The following IMMP2L variants were observed in gnomAD, a reference collection of about 807,000 sequenced individuals.
IMMP2L encodes mitochondrial inner membrane protease subunit 2.
In IMMP2L, 18 loss-of-function variants were observed where a neutral mutation model predicts 19.3. That is an observed-to-expected ratio of 0.93 (90% CI 0.64 to 1.38). IMMP2L has a LOEUF of 1.38. IMMP2L is among the 40% of genes most tolerant of loss of function. The pLI is 0.00. For missense variants in IMMP2L, 233 were observed against 218.2 expected (o/e 1.07, Z -0.43); for synonymous variants, 76 against 73.0 (o/e 1.04, Z -0.21).
intron 3 of IMMP2L, among the ~76,000 whole-genome samples, chr7:111,042,147 G>A (rs2129571089): frequency 6.6e-6 from 1 of 152,180 alleles, no homozygotes; most frequent in East Asian, 1.9e-4. Context: ...TGCATGTCCT[G>A]AGTTTTAATA....
In IMMP2L at chr7:111,213,916, A is replaced by T. The variant is rs1413760091; in HGVS notation, c.240-250351T>A. On this transcript the variant is annotated intron_variant, in intron 3 of 5. Coordinates refer to ENST00000405709, the MANE Select transcript of IMMP2L (RefSeq NM_032549.4). The surrounding 1 kb of genome is among the most constrained non-coding windows in gnomAD (Gnocchi z 4.8). ...TACAAATGTACCCCCTGTATCTAAG[A>T]TAAAAGGTGATTTAAAAAAATAAGA... 6.6e-6 allele frequency among the ~76,000 whole-genome samples: 1 copy of T among 152,188 alleles called. No homozygotes were observed. The highest frequency in any genetic ancestry group is 2.4e-5 in the African/African-American group (1 of 41,442).
chr7:111,240,927 T>C (rs1402341510), intron 3 of IMMP2L, among the ~76,000 whole-genome samples: 1 of 151,884 alleles, frequency 6.6e-6, no homozygotes, highest in Non-Finnish European at 1.5e-5. Flanking sequence ...ACAGGTGCTA[T>C]AAACACCAAA....
chr7:110,984,143 G>C (rs540650946), intron 3 of IMMP2L, among the ~76,000 whole-genome samples: 1 of 151,864 alleles, frequency 6.6e-6, no homozygotes, highest in South Asian at 2.1e-4. Flanking sequence ...CAGACACATG[G>C]GTTAGTCATA....
At chr7:111,190,427 C>A (rs905917306) in intron 3 of IMMP2L, among the ~76,000 whole-genome samples, 1 of 151,658 alleles carries the variant, frequency 6.6e-6, no homozygotes, top group African/African-American at 2.4e-5. Flanking sequence ...TAGATTTGTC[C>A]GAAGGGAAAA....
chr7:111,475,172 T>C (rs1388347601), intron 3 of IMMP2L, among the ~76,000 whole-genome samples: 1 of 152,130 alleles, frequency 6.6e-6, no homozygotes, highest in Non-Finnish European at 1.5e-5. Context: ...TGAGTATGAG[T>C]AAACCTGTCA....
chr7:110,886,780 A>G (rs1051456264), intron 4 of IMMP2L, 85 bp from the exon 5 acceptor site: 1 of 660,970 alleles, frequency 1.5e-6, no homozygotes, highest in African/African-American at 1.8e-5. Context: ...TGGTGAAAAT[A>G]TTATATAGAT....
intron 3 of IMMP2L, among the ~76,000 whole-genome samples, chr7:111,243,294 C>G (rs1815380364): frequency 6.6e-6 from 1 of 151,942 alleles, no homozygotes. Flanking sequence ...AATTCTCTAT[C>G]TAAAACTCTT....
chr7:111,481,959 A>G (rs1490605966), intron 3 of IMMP2L, among the ~76,000 whole-genome samples: 2 of 152,234 alleles, frequency 1.3e-5, no homozygotes. Flanking sequence ...CAGGAGGCTG[A>G]GGCAGGAGGA....
intron 5 of IMMP2L, among the ~76,000 whole-genome samples, chr7:110,735,846 C>CAA (rs59078426): frequency 0.059 from 2,791 of 47,474 alleles, 181 homozygotes; most frequent in Middle Eastern, 0.093. Context: ...CACTCTGCCT[C>CAA]AAAAAAAAAA....
At chr7:111,044,248 A>C (rs1044573810) in intron 3 of IMMP2L, among the ~76,000 whole-genome samples, 9 of 152,130 alleles carry the variant, frequency 5.9e-5, no homozygotes, top group African/African-American at 2.2e-4. Flanking sequence ...TTGATCTCTA[A>C]GGACCTAGAA....
intron 5 of IMMP2L, among the ~76,000 whole-genome samples, chr7:110,762,020 A>G (rs1798377663): frequency 6.6e-6 from 1 of 152,104 alleles, no homozygotes; most frequent in South Asian, 2.1e-4. Context: ...AAAAGCAGAT[A>G]ATGCTTTGAA....
At chr7:111,315,922 C>A (rs1824018860) in intron 3 of IMMP2L, among the ~76,000 whole-genome samples, 1 of 152,076 alleles carries the variant, frequency 6.6e-6, no homozygotes, top group Admixed American at 6.6e-5. Flanking sequence ...GATGGAAACA[C>A]ATTCTGAGAA....
intron 5 of IMMP2L, among the ~76,000 whole-genome samples, chr7:110,693,739 C>G (rs1793672243): frequency 6.6e-6 from 1 of 152,156 alleles, no homozygotes; most frequent in South Asian, 2.1e-4. Flanking sequence ...GCAAACCAAA[C>G]CAGTGTCATG....
intron 3 of IMMP2L, among the ~76,000 whole-genome samples, chr7:111,053,079 CA>C (rs1242687756): frequency 6.6e-6 from 1 of 152,164 alleles, no homozygotes; most frequent in Non-Finnish European, 1.5e-5. Flanking sequence ...AACGCAGAAG[CA>C]GAGACCAAGG....
At chr7:111,538,205 A>C (rs767457027) in intron 1 of IMMP2L, among the ~76,000 whole-genome samples, 1 of 152,162 alleles carries the variant, frequency 6.6e-6, no homozygotes, top group Non-Finnish European at 1.5e-5. Context: ...TTTGCACTTA[A>C]GTGCTCAGTG....
intron 3 of IMMP2L, among the ~76,000 whole-genome samples, chr7:111,224,745 T>G (rs909586268): frequency 1.3e-5 from 2 of 152,096 alleles, no homozygotes; most frequent in African/African-American, 4.8e-5. Context: ...ATGTTAATAT[T>G]TTCACAGATG....
At chr7:110,929,678 A>C (rs868290350) in intron 4 of IMMP2L, among the ~76,000 whole-genome samples, 1 of 152,188 alleles carries the variant, frequency 6.6e-6, no homozygotes. Context: ...CAAGGTACTC[A>C]ACATCTTCTG....
chr7:110,741,142 C>T (rs1283019573), intron 5 of IMMP2L, among the ~76,000 whole-genome samples: 1 of 152,100 alleles, frequency 6.6e-6, no homozygotes, highest in Non-Finnish European at 1.5e-5. Flanking sequence ...CCATGGAATA[C>T]TACTCAGCCT....
intron 3 of IMMP2L, among the ~76,000 whole-genome samples, chr7:111,180,440 T>C (rs1807577411): frequency 2.0e-5 from 3 of 152,128 alleles, no homozygotes; most frequent in East Asian, 1.9e-4. Context: ...TCAATTCAAC[T>C]TGCCATCTTA....
Sources: gnomAD v4.1 joint callset for allele counts (sites outside exome capture counted in the v4.1 genomes callset) on GRCh38, gnomAD v4.1.1 for gene constraint, Gnocchi (gnomAD v3.1) non-coding constraint, MANE v1.5 for transcripts, NCBI Gene and HGNC (gene_info 2026-07-23, HGNC 2026-07-21) for gene names.